RORA: variants seen among roughly 807,000 people sequenced by gnomAD.
RORA encodes the protein RAR related orphan receptor A.
A neutral mutation model predicts 69.5 loss-of-function variants in RORA; 7 were observed. That is an observed-to-expected ratio of 0.10 (90% CI 0.06 to 0.19). The LOEUF (loss-of-function observed/expected upper bound fraction) is 0.19, where lower values mean the gene tolerates loss of function less well. RORA is among the 10% of genes least tolerant of loss of function. RORA has a pLI of 1.00. For synonymous variants in RORA, 261 were observed against 240.8 expected (o/e 1.08, Z -0.78); for missense variants, 457 against 663.0 (o/e 0.69, Z 3.41).
intron 1 of RORA, among the ~76,000 whole-genome samples, chr15:60,977,195 T>A (rs1028208730): frequency 3.3e-5 from 5 of 151,880 alleles, no homozygotes; most frequent in African/African-American, 9.7e-5. Context: ...GACTCAAAGT[T>A]TTCCCTCATA....
Position 60,496,513 on chromosome 15 carries a change from T to C in RORA, c.*942A>G, listed in dbSNP as rs1232999153. 1 of 152,154 alleles carries C rather than the reference T, an allele frequency of 6.6e-6. No homozygotes were observed. The highest frequency in any genetic ancestry group is 2.4e-5 in the African/African-American group (1 of 41,436). 9.4% of individuals were successfully genotyped at this position (152,154 alleles called of 1,614,324 possible). A position where few individuals can be genotyped will look rare whatever the true frequency, so the allele number is the denominator to read the frequency against. On this transcript the variant is annotated 3_prime_UTR_variant, in exon 11 of 11. Coordinates refer to ENST00000335670, the MANE Select transcript of RORA (RefSeq NM_134261.3). The surrounding 1 kb of genome is among the most constrained non-coding windows in gnomAD (Gnocchi z 4.5). ...ACCACGCCAATCAATCATTCAACTT[T>C]GTATGAAGCATAAACACATCTATCA... is the stretch of plus-strand genomic sequence containing the variant.
chr15:60,755,030 G>C (rs1480342024), intron 1 of RORA, among the ~76,000 whole-genome samples: 1 of 149,984 alleles, frequency 6.7e-6, no homozygotes, highest in Non-Finnish European at 1.5e-5. Context: ...CATGTGCACA[G>C]TGTGCAGGTT....
intron 1 of RORA, among the ~76,000 whole-genome samples, chr15:60,737,723 C>A (rs2071521735): frequency 1.3e-5 from 2 of 152,134 alleles, no homozygotes; most frequent in Non-Finnish European, 2.9e-5. Context: ...AAGAGATATC[C>A]CCTGCATTCC....
At chr15:60,667,476 C>T (rs1469370908) in intron 2 of RORA, among the ~76,000 whole-genome samples, 2 of 152,156 alleles carry the variant, frequency 1.3e-5, no homozygotes, top group African/African-American at 4.8e-5. Flanking sequence ...TACATCACCA[C>T]ATCTAAGCCC....
intron 1 of RORA, among the ~76,000 whole-genome samples, chr15:61,050,004 T>A (rs982272383): frequency 6.6e-6 from 1 of 152,204 alleles, no homozygotes; most frequent in Non-Finnish European, 1.5e-5. Context: ...TTTAATATGG[T>A]AATGAGTGCT....
chr15:60,947,045 C>T (rs965164277), intron 1 of RORA, among the ~76,000 whole-genome samples: 1 of 88,728 alleles, frequency 1.1e-5, no homozygotes, highest in Non-Finnish European at 3.0e-5. Flanking sequence ...CGGCCAGCCG[C>T]CCCGTCCGGG....
intron 1 of RORA, chr15:60,841,172 G>C: frequency 1.3e-5 from 9 of 716,644 alleles, no homozygotes; most frequent in Non-Finnish European, 1.5e-5. Flanking sequence ...GACACAGCTT[G>C]GAGAAAGAAC....
At chr15:61,103,453 C>T (rs1187479399) in intron 1 of RORA, among the ~76,000 whole-genome samples, 1 of 152,208 alleles carries the variant, frequency 6.6e-6, no homozygotes, top group Non-Finnish European at 1.5e-5. Context: ...GAACTTTCTC[C>T]AAGAACTCAC....
At chr15:61,200,754 T>C (rs774058216) in intron 1 of RORA, among the ~76,000 whole-genome samples, 2 of 152,200 alleles carry the variant, frequency 1.3e-5, no homozygotes, top group Non-Finnish European at 2.9e-5. Context: ...TTGCACTTAA[T>C]TGAGTGAAAA....
In RORA at chr15:60,699,808, T is replaced by A. The variant is rs2613618; in HGVS notation, c.167-21122A>T. On this transcript the variant is annotated intron_variant, in intron 1 of 10. Transcript: ENST00000335670. Reference sequence around the variant, plus strand: ...ACAATAACTACTTATGATATTTTAATATTTACCAAGAGTTTTCCAAATAGG... The same window carrying A: ...ACAATAACTACTTATGATATTTTAAAATTTACCAAGAGTTTTCCAAATAGG... Among the ~76,000 whole-genome samples, 1,327 of 152,186 alleles carry A rather than the reference T, an allele frequency of 8.7e-3. 25 individuals are homozygous for A. Among genetic ancestry groups the A allele is most frequent in the African/African-American group, 0.031 (1,277 of 41,488 alleles).
intron 2 of RORA, among the ~76,000 whole-genome samples, chr15:60,560,500 C>T (rs1165265061): frequency 6.6e-6 from 1 of 152,088 alleles, no homozygotes; most frequent in Non-Finnish European, 1.5e-5. Context: ...TCAAGACCAG[C>T]CTGGACAATA....
Position 60,531,896 on chromosome 15 carries a change from C to T in RORA, c.197-45G>A, listed in dbSNP as rs1490505834. The T allele has an allele frequency of 8.2e-7, 1 of 1,213,180 alleles. No homozygotes were observed. The highest frequency in any genetic ancestry group is 1.2e-6 in the Non-Finnish European group (1 of 838,394). The allele number at this position is 1,213,180 out of a possible 1,614,324, so 75.2% of individuals were successfully genotyped here. A position where few individuals can be genotyped will look rare whatever the true frequency, so the allele number is the denominator to read the frequency against. ...CCAGTTAATTACATTTTCTTTTAAA[C>T]ACCTTATAAAAGCGTTCCCTGATCA... On this transcript the variant is annotated intron_variant, in intron 2 of 10. Coordinates refer to ENST00000335670, the MANE Select transcript of RORA (RefSeq NM_134261.3). This position sits in a 1 kb window ranked among gnomAD's most constrained non-coding sequence, Gnocchi z 4.8.
At position 60,903,541 on chromosome 15, in the gene RORA, G is replaced by C. The variant is rs544794054; in HGVS notation, c.167-224855C>G. Reference sequence around the variant, plus strand: ...TCTCTGTAGCCCAAAGCACACGATAGGGTACCAATGTTCAAGGCTCTGCTT... The same window carrying C: ...TCTCTGTAGCCCAAAGCACACGATACGGTACCAATGTTCAAGGCTCTGCTT... On this transcript the variant is annotated intron_variant, in intron 1 of 10. Coordinates refer to ENST00000335670, the MANE Select transcript of RORA (RefSeq NM_134261.3). Among the ~76,000 whole-genome samples the C allele has an allele frequency of 2.0e-5, 3 of 152,292 alleles. No individual in the cohort carries two copies. The East Asian group carries it at 5.8e-4, about 29-fold the overall frequency.
intron 1 of RORA, among the ~76,000 whole-genome samples, chr15:60,976,419 A>C (rs1202634102): frequency 6.6e-6 from 1 of 152,186 alleles, no homozygotes; most frequent in Admixed American, 6.5e-5. Flanking sequence ...AATAATTCCA[A>C]AGTGTCTTTA....
intron 1 of RORA, among the ~76,000 whole-genome samples, chr15:60,934,032 C>T (rs117503937): frequency 2.8e-4 from 43 of 152,358 alleles, no homozygotes; most frequent in Admixed American, 8.5e-4. Context: ...TAGCATAGCC[C>T]CAGCTCCAGC....
chr15:60,969,703 C>T (rs1042583494), intron 1 of RORA, among the ~76,000 whole-genome samples: 1 of 152,180 alleles, frequency 6.6e-6, no homozygotes, highest in Non-Finnish European at 1.5e-5. Context: ...ACTCCATACA[C>T]GATGGTGGTA....
chr15:60,796,469 G>A (rs1314460592), intron 1 of RORA, among the ~76,000 whole-genome samples: 1 of 151,182 alleles, frequency 6.6e-6, no homozygotes, highest in African/African-American at 2.4e-5. Context: ...AAATCAGACA[G>A]ATACCACTTT....
intron 1 of RORA, among the ~76,000 whole-genome samples, chr15:60,911,771 T>C (rs187953467): frequency 6.6e-6 from 1 of 150,810 alleles, no homozygotes; most frequent in East Asian, 1.9e-4. Flanking sequence ...GCAATTTCGG[T>C]TCACTGCAAT....
chr15:60,878,610 G>A (rs1018542847), intron 1 of RORA, among the ~76,000 whole-genome samples: 3 of 152,170 alleles, frequency 2.0e-5, no homozygotes, highest in African/African-American at 7.2e-5. Context: ...CCTGCTCCCC[G>A]AAAGCTCTGC....
Sources: allele counts gnomAD v4.1 joint callset (sites outside exome capture counted in the v4.1 genomes callset), GRCh38; gene constraint gnomAD v4.1.1; non-coding constraint Gnocchi (gnomAD v3.1); transcripts MANE v1.5; gene names NCBI Gene and HGNC (gene_info 2026-07-23, HGNC 2026-07-21).